The following SENP7 variants were observed in gnomAD, a reference collection of about 807,000 sequenced individuals.
SENP7 encodes sentrin-specific protease 7.
SENP7 carries 64 observed loss-of-function variants against 141.2 expected under a neutral mutation model. The ratio of observed to expected loss-of-function variants is 0.45; its 90% confidence interval spans 0.37 to 0.56. The LOEUF is 0.56. SENP7 is among the 20% of genes least tolerant of loss of function. The pLI is 0.00. For synonymous variants in SENP7, 382 were observed against 426.4 expected, an observed-to-expected ratio of 0.90 and a Z score of 1.28; for missense variants, 1,025 against 1,212.2, an observed-to-expected ratio of 0.85 and a Z score of 2.29.
intron 4 of SENP7, among the ~76,000 whole-genome samples, chr3:101,452,786 A>G (rs1313571150): frequency 5.3e-5 from 8 of 152,360 alleles, no homozygotes; most frequent in Admixed American, 4.6e-4. Flanking sequence ...AGGCAATATC[A>G]TTCAGGACAT....
At chr3:101,404,734 A>G (rs2061248398) in intron 5 of SENP7, among the ~76,000 whole-genome samples, 1 of 152,246 alleles carries the variant, frequency 6.6e-6, no homozygotes, top group Non-Finnish European at 1.5e-5. Context: ...CATGAAAAAA[A>G]GCAAACAATC....
intron 15 of SENP7, among the ~76,000 whole-genome samples, chr3:101,341,103 T>C (rs1198526820): frequency 6.6e-6 from 1 of 152,236 alleles, no homozygotes; most frequent in Non-Finnish European, 1.5e-5. Flanking sequence ...GCTATTTTCC[T>C]ATCCTAGTCT....
chr3:101,407,267 G>A (rs530916462), intron 5 of SENP7, among the ~76,000 whole-genome samples: 1 of 152,240 alleles, frequency 6.6e-6, no homozygotes, highest in South Asian at 2.1e-4. Flanking sequence ...CCTAACACTG[G>A]AGCTCCCAAA....
At chr3:101,337,452 G>T in intron 17 of SENP7, 57 bp downstream of exon 17, 2 of 1,246,648 alleles carry the variant, frequency 1.6e-6, no homozygotes, top group Non-Finnish European at 2.2e-6. Flanking sequence ...TTTACTAGGA[G>T]CATCAAAAAT....
At chr3:101,474,457 C>T (rs777914055) in intron 3 of SENP7, among the ~76,000 whole-genome samples, 7 of 152,194 alleles carry the variant, frequency 4.6e-5, no homozygotes, top group Non-Finnish European at 1.0e-4. Context: ...TGAATGAGTT[C>T]GTTCCTAGTC....
chr3:101,331,563 A>AAATAATAAT (rs58803980), intron 19 of SENP7, among the ~76,000 whole-genome samples: 72,746 of 150,128 alleles, frequency 0.48, 17,863 homozygotes, highest in South Asian at 0.53. Context: ...ATGTCAATGG[A>AAATAATAAT]AATAATAATA....
intron 5 of SENP7, among the ~76,000 whole-genome samples, chr3:101,402,303 G>A (rs1323992505): frequency 6.6e-6 from 1 of 152,160 alleles, no homozygotes; most frequent in Non-Finnish European, 1.5e-5. Flanking sequence ...CAATTACCAT[G>A]CAAAAGATCC....
chr3:101,502,694 C>T, intron 1 of SENP7, among the ~76,000 whole-genome samples: 1 of 152,002 alleles, frequency 6.6e-6, no homozygotes, highest in Non-Finnish European at 1.5e-5. Flanking sequence ...GCATGGGGAT[C>T]ACTTGAGCCC....
intron 5 of SENP7, among the ~76,000 whole-genome samples, chr3:101,416,787 G>A (rs1271870317): frequency 1.3e-5 from 2 of 152,242 alleles, no homozygotes; most frequent in East Asian, 3.9e-4. Context: ...AAAGTTAGCA[G>A]TTTTTATCTG....
intron 13 of SENP7, among the ~76,000 whole-genome samples, chr3:101,347,074 T>C (rs1181252622): frequency 6.6e-6 from 1 of 151,222 alleles, no homozygotes; most frequent in African/African-American, 2.4e-5. Context: ...AGGATAGAAA[T>C]TGCCAGGTAT....
chr3:101,395,670 G>A (rs1309945636), intron 6 of SENP7, among the ~76,000 whole-genome samples: 2 of 152,074 alleles, frequency 1.3e-5, no homozygotes, highest in Non-Finnish European at 1.5e-5. Flanking sequence ...TCATCTTAAG[G>A]GAAGAAAGAA....
chr3:101,425,580 C>T (rs945128041), intron 4 of SENP7, among the ~76,000 whole-genome samples: 2 of 152,184 alleles, frequency 1.3e-5, no homozygotes, highest in Admixed American at 6.5e-5. Context: ...CAAAAGAACA[C>T]TGAAAACTCA....
chr3:101,406,580 A>T (rs1488929456), intron 5 of SENP7, among the ~76,000 whole-genome samples: 5 of 145,340 alleles, frequency 3.4e-5, no homozygotes, highest in African/African-American at 1.0e-4. Flanking sequence ...TTAAAGTATA[A>T]AAAAAAAAAA....
At chr3:101,486,622 C>G (rs908267576) in intron 3 of SENP7, among the ~76,000 whole-genome samples, 5 of 152,178 alleles carry the variant, frequency 3.3e-5, no homozygotes, top group African/African-American at 1.2e-4. Flanking sequence ...AATCTTGAAA[C>G]AAATTCTGGA....
chr3:101,337,964 CCAA>C (rs1457904091), intron 16 of SENP7, among the ~76,000 whole-genome samples: 2 of 151,978 alleles, frequency 1.3e-5, no homozygotes, highest in Non-Finnish European at 1.5e-5. Flanking sequence ...ACCATTCTGA[CCAA>C]CATGGTGAAA....
chr3:101,416,625 AT>A (rs2061630617), intron 5 of SENP7, among the ~76,000 whole-genome samples: 1 of 152,226 alleles, frequency 6.6e-6, no homozygotes, highest in Non-Finnish European at 1.5e-5. Context: ...TTAAATTTAT[AT>A]CAGGTATGAG....
intron 13 of SENP7, 138 bp downstream of exon 13, chr3:101,347,734 A>AAG (rs1553696380): frequency 1.9e-6 from 1 of 528,124 alleles, no homozygotes; most frequent in Non-Finnish European, 3.1e-6. Flanking sequence ...AAAAAAAAAA[A>AAG]AAAAGAAACA....
rs182599603 is a variant in SENP7 at position 101,480,409 on chromosome 3, A to G, written c.186+13464T>C. Among the ~76,000 whole-genome samples the G allele has an allele frequency of 4.6e-5, 7 of 152,288 alleles. No individual in the cohort carries two copies. The East Asian group carries it at 1.2e-3, about 25-fold the overall frequency. ...TGATTTTCAACTCAGGCACCCTAAC[A>G]TACACTGGGTAAGGAACACCCTCTT... On this transcript the variant is annotated intron_variant, in intron 3 of 23. Transcript: ENST00000394095.
chr3:101,398,061 T>C (rs750860446), intron 6 of SENP7, among the ~76,000 whole-genome samples: 5 of 152,216 alleles, frequency 3.3e-5, no homozygotes, highest in Non-Finnish European at 4.4e-5. Context: ...CATTTGTTAA[T>C]GGAAAATCTC....
Sources: gnomAD v4.1 joint callset for allele counts (sites outside exome capture counted in the v4.1 genomes callset) on GRCh38, gnomAD v4.1.1 for gene constraint, MANE v1.5 for transcripts, NCBI Gene and HGNC (gene_info 2026-07-23, HGNC 2026-07-21) for gene names.